Variants in TSPAN9 observed in about 807,000 individuals in gnomAD.
The protein encoded by TSPAN9 is tetraspanin 9, also known as tetraspanin-9.
TSPAN9 carries 16 observed loss-of-function variants against 31.0 expected under a neutral mutation model. The observed-to-expected ratio is 0.52, with a 90% CI of 0.35 to 0.78. The LOEUF (loss-of-function observed/expected upper bound fraction) is 0.78. Among genes scored for constraint, TSPAN9 ranks in the 30% least tolerant of loss-of-function variants. TSPAN9 has a pLI of 0.01. For missense variants in TSPAN9, 272 were observed against 312.5 expected, an observed-to-expected ratio of 0.87 and a Z score of 0.98; for synonymous variants, 145 against 121.6, an observed-to-expected ratio of 1.19 and a Z score of -1.27.
chr12:3,148,012 A>G (rs906792788), intron 2 of TSPAN9, among the ~76,000 whole-genome samples: 11 of 152,130 alleles, frequency 7.2e-5, no homozygotes, highest in African/African-American at 2.2e-4. Flanking sequence ...GAGAAGGAGG[A>G]GAGAAGTCTC....
chr12:3,220,386 A>G (rs1484073966), intron 3 of TSPAN9, among the ~76,000 whole-genome samples: 1 of 152,162 alleles, frequency 6.6e-6, no homozygotes, highest in Non-Finnish European at 1.5e-5. Context: ...AAGCACCCTC[A>G]GGGTTAGGCG....
intron 2 of TSPAN9, among the ~76,000 whole-genome samples, chr12:3,135,934 A>G (rs2098331923): frequency 6.6e-6 from 1 of 152,090 alleles, no homozygotes; most frequent in Admixed American, 6.5e-5. Context: ...CATTGGGAAA[A>G]TCTTTGCCAC....
At chr12:3,164,232 G>GGA (rs1430665961) in intron 2 of TSPAN9, among the ~76,000 whole-genome samples, 1 of 152,176 alleles carries the variant, frequency 6.6e-6, no homozygotes, top group Admixed American at 6.5e-5. Flanking sequence ...AACAGTCCTG[G>GGA]GAGGTGGTTT....
intron 2 of TSPAN9, among the ~76,000 whole-genome samples, chr12:3,093,061 GGC>G (rs1416268200): frequency 2.8e-4 from 42 of 152,226 alleles, no homozygotes; most frequent in African/African-American, 9.2e-4. Flanking sequence ...TCAGAGTCCT[GGC>G]GTTGTCCTGA....
intron 2 of TSPAN9, among the ~76,000 whole-genome samples, chr12:3,153,144 G>A (rs2098340667): frequency 6.6e-6 from 1 of 152,186 alleles, no homozygotes; most frequent in Non-Finnish European, 1.5e-5. Context: ...CCTTTTCCTT[G>A]TGCCTTACCC....
In TSPAN9 at chr12:3,143,347, T is replaced by C. The variant is rs2098335763; in HGVS notation, c.-17-57830T>C. ...CTTGAGGGCAGGCACTTTGAAACTG[T>C]CCTGGTTTTTTCTCAAACCTTTGCT... On this transcript the variant is annotated intron_variant, in intron 2 of 8. Coordinates refer to ENST00000011898, the MANE Select transcript of TSPAN9 (RefSeq NM_006675.5). The surrounding 1 kb of genome is among the most constrained non-coding windows in gnomAD (Gnocchi z 4.2). 6.6e-6 allele frequency among the ~76,000 whole-genome samples: 1 copy of C among 150,582 alleles called. No homozygotes were observed. The highest frequency in any genetic ancestry group is 6.6e-5 in the Admixed American group (1 of 15,106).
Position 3,201,394 on chromosome 12 carries a change from GC to G in TSPAN9, c.63+143del. ...GTAAGTGTGCTTTTAAAAAAAAATTGCCCCCGCCCCCCTTTCATGCACCTTT... is the reference window on the plus strand; with the variant it reads ...GTAAGTGTGCTTTTAAAAAAAAATTGCCCCGCCCCCCTTTCATGCACCTTT... On this transcript the variant is annotated intron_variant, in intron 3 of 8. Transcript: ENST00000011898. 8.0e-6 allele frequency: 6 copies of G among 747,576 alleles called. No individual in the cohort carries two copies. In the African/African-American group the frequency reaches 1.1e-4, roughly 13 times the overall value. 46.3% of individuals were successfully genotyped at this position (747,576 alleles called of 1,614,324 possible).
intron 2 of TSPAN9, among the ~76,000 whole-genome samples, chr12:3,165,310 G>C (rs946883471): frequency 3.3e-5 from 5 of 152,298 alleles, no homozygotes; most frequent in Non-Finnish European, 7.4e-5. Context: ...CCTCTCTGTT[G>C]GTGGGGAAAA....
chr12:3,199,485 C>T (rs1334878952), intron 2 of TSPAN9, among the ~76,000 whole-genome samples: 1 of 152,230 alleles, frequency 6.6e-6, no homozygotes, highest in East Asian at 1.9e-4. Context: ...TAGGATGTTC[C>T]CAAGCCCCGA....
intron 2 of TSPAN9, among the ~76,000 whole-genome samples, chr12:3,152,106 C>CG (rs2098340056): frequency 6.6e-6 from 1 of 152,176 alleles, no homozygotes. Context: ...GAATTCATGG[C>CG]GGGGAATCTC....
At position 3,168,075 on chromosome 12, in the gene TSPAN9, C is replaced by A. The variant is rs2098349539; in HGVS notation, c.-17-33102C>A. On this transcript the variant is annotated intron_variant, in intron 2 of 8. Coordinates refer to ENST00000011898, the MANE Select transcript of TSPAN9 (RefSeq NM_006675.5). The surrounding 1 kb of genome is among the most constrained non-coding windows in gnomAD (Gnocchi z 4.0). ...AGCGGACAAGCAGCAGCAGGAGATA[C>A]CCTCCCATGTCACTCATTCTGTGCC... Among the ~76,000 whole-genome samples, 1 of 152,120 alleles carries A rather than the reference C, an allele frequency of 6.6e-6. No individual in the cohort carries two copies. Among genetic ancestry groups the A allele is most frequent in the Non-Finnish European group, 1.5e-5 (1 of 68,026 alleles).
chr12:3,114,742 C>T (rs926849634), intron 2 of TSPAN9, among the ~76,000 whole-genome samples: 1 of 150,728 alleles, frequency 6.6e-6, no homozygotes, highest in African/African-American at 2.4e-5. Flanking sequence ...ACTCCTGAGG[C>T]TGAGGCAGGA....
At position 3,281,789 on chromosome 12, in the gene TSPAN9, C is replaced by A. The variant is rs141218062; in HGVS notation, c.620C>A (p.Thr207Lys). 6.2e-7 allele frequency: 1 copy of A among 1,614,028 alleles called. No homozygotes were observed. The highest frequency in any genetic ancestry group is 1.7e-5 in the Admixed American group (1 of 59,992). Residue 207 changes from threonine to lysine, a missense_variant, in exon 8 of 9, where the codon ACG becomes AAG. Physicochemically the swap from Thr to Lys is moderately conservative, Grantham distance 78. Transcript: ENST00000011898. ...WFDDNKHVLG[T>K]VGMCILIMQI... ...GATGACAATAAGCACGTGCTGGGCA[C>A]GGTGGGGATGTGCATCCTCATCATG...
intron 2 of TSPAN9, among the ~76,000 whole-genome samples, chr12:3,106,681 G>A (rs770289174): frequency 1.3e-5 from 2 of 152,140 alleles, no homozygotes; most frequent in Non-Finnish European, 2.9e-5. Context: ...TGAGGTGGGG[G>A]GATCACCTGA....
intron 1 of TSPAN9, among the ~76,000 whole-genome samples, 184 bp from the exon 2 acceptor site, chr12:3,083,469 C>T (rs2098298880): frequency 6.6e-6 from 1 of 152,206 alleles, no homozygotes; most frequent in Non-Finnish European, 1.5e-5. Context: ...CTTGGGTACC[C>T]ACCGCCAACT....
chr12:3,105,213 T>C (rs60143555), intron 2 of TSPAN9, among the ~76,000 whole-genome samples: 5,862 of 152,216 alleles, frequency 0.039, 391 homozygotes, highest in African/African-American at 0.13. Context: ...TTGGGCTCAG[T>C]GCCCCGAGGC....
chr12:3,116,169 A>G (rs2098322280), intron 2 of TSPAN9, among the ~76,000 whole-genome samples: 1 of 152,224 alleles, frequency 6.6e-6, no homozygotes, highest in African/African-American at 2.4e-5. Flanking sequence ...GCATTTGATC[A>G]CAGCCTGCCA....
At chr12:3,278,247 G>T (rs902822595) in intron 3 of TSPAN9, among the ~76,000 whole-genome samples, 174 bp from the exon 4 acceptor site, 1 of 152,214 alleles carries the variant, frequency 6.6e-6, no homozygotes, top group African/African-American at 2.4e-5. Context: ...GGGACTGTCT[G>T]GGTCACACAG....
At chr12:3,231,778 G>C (rs189293820) in intron 3 of TSPAN9, among the ~76,000 whole-genome samples, 75 of 152,316 alleles carry the variant, frequency 4.9e-4, no homozygotes, top group East Asian at 4.6e-3. Context: ...TTTCACTTTG[G>C]GGGCTGTCTG....
Sources: allele counts gnomAD v4.1 joint callset (sites outside exome capture counted in the v4.1 genomes callset), GRCh38; gene constraint gnomAD v4.1.1; non-coding constraint Gnocchi (gnomAD v3.1); transcripts MANE v1.5; gene names NCBI Gene and HGNC (gene_info 2026-07-23, HGNC 2026-07-21).